POLDIP2: variants seen among roughly 807,000 people sequenced by gnomAD.
The protein encoded by POLDIP2 is polymerase delta-interacting protein 2.
POLDIP2 carries 32 observed loss-of-function variants against 52.9 expected under a neutral mutation model. The ratio of observed to expected loss-of-function variants is 0.61; its 90% CI spans 0.46 to 0.81. POLDIP2 has a LOEUF of 0.81. Ranked by LOEUF, POLDIP2 falls within the 40% of genes least tolerant of loss-of-function variation. POLDIP2 has a pLI of 0.00. For missense variants in POLDIP2, 371 were observed against 477.3 expected (o/e 0.78, Z 2.07); for synonymous variants, 183 against 183.0 (o/e 1.00, Z 0.00).
chr17:28,354,610 G>A, intron 2 of POLDIP2, 25 bp from the exon 3 acceptor site: 1 of 1,465,476 alleles, frequency 6.8e-7, no homozygotes. Context: ...GGGCCTCAGT[G>A]AGTCTGCAGT....
chr17:28,357,044 T>C (rs1392585886), intron 1 of POLDIP2, among the ~76,000 whole-genome samples: 5 of 152,230 alleles, frequency 3.3e-5, no homozygotes, highest in Admixed American at 3.3e-4. Flanking sequence ...AGGATTCACT[T>C]GGGGAGGGTA....
At chr17:28,353,339 G>A in intron 4 of POLDIP2, 23 bp from the exon 5 acceptor site, 1 of 1,362,790 alleles carries the variant, frequency 7.3e-7, no homozygotes, top group Non-Finnish European at 1.0e-6. Context: ...GTGAATCAGT[G>A]GTGAAACCAT....
rs1555580478 is a variant in POLDIP2 at position 28,353,739 on chromosome 17, T to C, written c.394A>G (p.Thr132Ala). 6.2e-7 allele frequency: 1 copy of C among 1,613,372 alleles called. No homozygotes were observed. The highest frequency in any genetic ancestry group is 8.5e-7 in the Non-Finnish European group (1 of 1,179,608). Residue 132 changes from threonine (T) to alanine (A), a missense_variant, in exon 4 of 11, where the codon ACT becomes GCT. Transcript: ENST00000540200. The part of the protein sequence containing the change: ...GSKEVKGKTH[T>A]YYQVLIDARD... ...GCATCAATCAGCACCTGATAGTAAG[T>C]GTGAGTTTTGCCTTTCACCTCCTTG...
chr17:28,350,560 G>A lies in POLDIP2; in HGVS notation c.790C>T (p.Arg264Cys), dbSNP rs1295729981. Residue 264 changes from arginine (R) to cysteine (C), a missense_variant, in exon 9 of 11, where the codon CGC (arginine) becomes TGC (cysteine). By Grantham distance (180) the Arg-to-Cys change is radical. Coordinates refer to ENST00000540200, the MANE Select transcript of POLDIP2 (RefSeq NM_015584.5). ...AGGTTCTCCAAACGGATACAGTAGC[G>A]CCACTGAGGTGGGTGTGGGAGAGAG... Reference protein sequence around the residue: ...EAQNSHVYWWRYCIRLENLDS... With the variant: ...EAQNSHVYWWCYCIRLENLDS... 3.1e-6 allele frequency: 5 copies of A among 1,612,398 alleles called. No individual in the cohort carries two copies. Among genetic ancestry groups the A allele is most frequent in the Non-Finnish European group, 4.2e-6 (5 of 1,179,368 alleles).
At chr17:28,348,267 G>A in intron 10 of POLDIP2, 36 bp from the exon 11 acceptor site, 2 of 1,423,572 alleles carry the variant, frequency 1.4e-6, no homozygotes, top group Non-Finnish European at 2.0e-6. Flanking sequence ...GAAGGAGCCA[G>A]GGCTGAGGCC....
intron 6 of POLDIP2, among the ~76,000 whole-genome samples, chr17:28,352,674 G>A (rs868953864): frequency 6.6e-6 from 1 of 151,922 alleles, no homozygotes; most frequent in South Asian, 2.1e-4. Context: ...AGGTAGCTGG[G>A]ATTACAGGCG....
In POLDIP2 at chr17:28,354,558, G is replaced by C; in HGVS notation, c.271C>G (p.Arg91Gly). The change falls in exon 3 of 11, where the codon CGA (arginine) becomes GGA (glycine). Residue 91 changes from arginine to glycine, a missense_variant. By Grantham distance (125) the Arg-to-Gly change is moderately radical. Coordinates refer to ENST00000540200, the MANE Select transcript of POLDIP2 (RefSeq NM_015584.5). Reference protein sequence around the residue: ...QLFLHSIFGYRGVVLFPWQAR... With the variant: ...QLFLHSIFGYGGVVLFPWQAR... ...TGCCAGGGAAACAGGACGACACCTC[G>C]GTAGCCAAAAATGCTATGAAGGAAA... 6.4e-7 allele frequency: 1 copy of C among 1,561,164 alleles called. No homozygotes were observed. The highest frequency in any genetic ancestry group is 8.7e-7 in the Non-Finnish European group (1 of 1,152,468).
At chr17:28,355,947 C>T (rs1908010938) in intron 1 of POLDIP2, 71 bp from the exon 2 acceptor site, 1 of 1,212,836 alleles carries the variant, frequency 8.2e-7, no homozygotes, top group East Asian at 2.5e-5. Flanking sequence ...TAAGAAAAAG[C>T]TCCTAGGATA....
intron 3 of POLDIP2, 99 bp from the exon 4 acceptor site, chr17:28,353,890 T>G: frequency 1.3e-6 from 1 of 798,064 alleles, no homozygotes; most frequent in Non-Finnish European, 2.2e-6. Context: ...GGCTGGTCTC[T>G]GATCTAAAGG....
rs782193545 is a variant in POLDIP2, at chr17:28,349,168, A to G, written c.913-6T>C. The G allele has an allele frequency of 7.4e-6, 12 of 1,611,580 alleles. No individual in the cohort carries two copies. The South Asian group carries it at 1.3e-4, about 18-fold the overall frequency. ...TCCTTGGATAACACTGGTTCCTGTA[A>G]AGGTTTAGGCAAAATGGGTCAGGCC... On this transcript the variant is annotated splice_region_variant and splice_polypyrimidine_tract_variant and intron_variant, in intron 9 of 10. Coordinates refer to ENST00000540200, the MANE Select transcript of POLDIP2 (RefSeq NM_015584.5).
chr17:28,356,491 T>C (rs1458156530), intron 1 of POLDIP2, among the ~76,000 whole-genome samples: 2 of 152,146 alleles, frequency 1.3e-5, no homozygotes, highest in Non-Finnish European at 2.9e-5. Context: ...AGCCCTTACA[T>C]TGCCCTTGAA....
Position 28,353,694 on chromosome 17 carries a change from C to CTA in POLDIP2, c.437_438dup (p.Ser147TyrfsTer10). Reference sequence around the variant, plus strand: ...CAAGCCCAGCCATCTTGCTTACTTACTATATGTGGGCAGTCACGAGCATCA... The same window carrying CTA: ...CAAGCCCAGCCATCTTGCTTACTTACTATATATGTGGGCAGTCACGAGCATCA... On this transcript the variant is annotated frameshift_variant and splice_region_variant. Coordinates refer to ENST00000540200, the MANE Select transcript of POLDIP2 (RefSeq NM_015584.5). LOFTEE classifies it high-confidence loss of function. 1 of 1,605,736 alleles carries CTA rather than the reference C, an allele frequency of 6.2e-7. No individual in the cohort carries two copies. The highest frequency in any genetic ancestry group is 1.7e-5 in the Admixed American group (1 of 59,954).
intron 9 of POLDIP2, among the ~76,000 whole-genome samples, 179 bp downstream of exon 9, chr17:28,350,259 C>T (rs1567791219): frequency 1.3e-5 from 2 of 152,238 alleles, no homozygotes; most frequent in African/African-American, 4.8e-5. Flanking sequence ...CTCTTTTCAT[C>T]TATGAAATGG....
intron 1 of POLDIP2, 46 bp downstream of exon 1, chr17:28,357,242 T>C (rs782352044): frequency 2.3e-4 from 333 of 1,425,452 alleles, no homozygotes; most frequent in Non-Finnish European, 2.7e-4. Flanking sequence ...ACACGCTCTC[T>C]GGGCTCCAGG....
chr17:28,350,767 C>A lies in POLDIP2; in HGVS notation c.785G>T (p.Trp262Leu). Residue 262 changes from tryptophan to leucine, a missense_variant and splice_region_variant, in exon 8 of 11, where the codon TGG (tryptophan) becomes TTG (leucine). By Grantham distance (61) the Trp-to-Leu change is moderately conservative. Transcript: ENST00000540200. Reference protein sequence around the residue: ...MREAQNSHVYWWRYCIRLENL... With the variant: ...MREAQNSHVYLWRYCIRLENL... ...CTTCTCCCAGACAGTGACACTCACC[C>A]AGTACACGTGGGAATTCTGGGCTTC... is the stretch of plus-strand genomic sequence containing the variant. 1 of 1,596,562 alleles carries A rather than the reference C, an allele frequency of 6.3e-7. No individual in the cohort carries two copies. The highest frequency in any genetic ancestry group is 8.5e-7 in the Non-Finnish European group (1 of 1,171,508).
intron 10 of POLDIP2, among the ~76,000 whole-genome samples, chr17:28,348,450 C>G (rs1328879290): frequency 1.3e-5 from 2 of 152,228 alleles, no homozygotes; most frequent in Admixed American, 6.5e-5. Flanking sequence ...CGCCTGAAAT[C>G]CCAGCATTTT....
rs1296871533 is a variant in POLDIP2, at chr17:28,354,594, A to C, written c.244-9T>G. 3.2e-6 allele frequency: 5 copies of C among 1,541,688 alleles called. No homozygotes were observed. The South Asian group carries it at 3.6e-5, about 11-fold the overall frequency. Reference sequence around the variant, plus strand: ...ATGCTATGAAGGAAAAGCTGGAAGGAAAGAGGGGCCTCAGTGAGTCTGCAG... The same window carrying C: ...ATGCTATGAAGGAAAAGCTGGAAGGCAAGAGGGGCCTCAGTGAGTCTGCAG... On this transcript the variant is annotated splice_polypyrimidine_tract_variant and intron_variant, in intron 2 of 10. Coordinates refer to ENST00000540200, the MANE Select transcript of POLDIP2 (RefSeq NM_015584.5).
chr17:28,352,537 C>CT lies in POLDIP2; in HGVS notation c.622+374dup, dbSNP rs3032928. Among the ~76,000 whole-genome samples the CT allele has an allele frequency of 3.5e-3, 449 of 129,176 alleles. 10 individuals carry two copies. The highest frequency in any genetic ancestry group is 9.0e-3 in the Middle Eastern group (2 of 222). The allele number at this position is 129,176 out of a possible 152,430, so 84.7% of individuals were successfully genotyped here. A position where few individuals can be genotyped will look rare whatever the true frequency, so the allele number is the denominator to read the frequency against. Reference sequence around the variant, plus strand: ...AGGCGTGAGCCACAAGCACCCGGGCCTTTTTTTTTTTTTTTCCTGAGATGG... The same window carrying CT: ...AGGCGTGAGCCACAAGCACCCGGGCCTTTTTTTTTTTTTTTTCCTGAGATGG... On this transcript the variant is annotated intron_variant, in intron 6 of 10. Coordinates refer to ENST00000540200, the MANE Select transcript of POLDIP2 (RefSeq NM_015584.5).
At chr17:28,349,738 G>A (rs1280918337) in intron 9 of POLDIP2, among the ~76,000 whole-genome samples, 1 of 152,152 alleles carries the variant, frequency 6.6e-6, no homozygotes, top group African/African-American at 2.4e-5. Flanking sequence ...TTCTCCTAAT[G>A]ATCATAAGAT....
Sources: gnomAD v4.1 joint callset for allele counts (sites outside exome capture counted in the v4.1 genomes callset) on GRCh38, gnomAD v4.1.1 for gene constraint, MANE v1.5 for transcripts, NCBI Gene and HGNC (gene_info 2026-07-23, HGNC 2026-07-21) for gene names.